RYR3: variants seen among roughly 807,000 people sequenced by gnomAD.
RYR3 encodes brain ryanodine receptor-calcium release channel.
A neutral mutation model predicts 584.3 loss-of-function variants in RYR3; 207 were observed. That is an observed-to-expected ratio of 0.35 (90% CI 0.32 to 0.40). The LOEUF (loss-of-function observed/expected upper bound fraction) is 0.40. Among genes scored for constraint, RYR3 ranks in the 10% least tolerant of loss-of-function variants. The pLI, the probability that RYR3 is intolerant of heterozygous loss-of-function variation, is 1.00. For missense variants in RYR3, 5,616 were observed against 6,089.2 expected (o/e 0.92, Z 2.59); for synonymous variants, 2,416 against 2,248.5 (o/e 1.07, Z -2.11).
intron 1 of RYR3, among the ~76,000 whole-genome samples, chr15:33,434,242 G>C (rs1357239326): frequency 1.2e-4 from 19 of 152,014 alleles, no homozygotes; most frequent in Admixed American, 1.2e-3. Context: ...TTGTCTATTT[G>C]CCCACAGTGA....
At chr15:33,467,431 A>C in intron 1 of RYR3, 3 of 975,226 alleles carry the variant, frequency 3.1e-6, no homozygotes, top group Non-Finnish European at 3.7e-6. Flanking sequence ...CCCAGCCATC[A>C]GCTCAGAGCC....
At chr15:33,782,646 G>A (rs939999906) in intron 65 of RYR3, among the ~76,000 whole-genome samples, 12 of 152,138 alleles carry the variant, frequency 7.9e-5, no homozygotes, top group East Asian at 1.9e-4. Flanking sequence ...GATAAAGGGC[G>A]GGGAGGAATG....
In RYR3 at chr15:33,580,128, A is replaced by G; in HGVS notation, c.1421A>G (p.Asn474Ser). ...CTCCGCTCACTCAAAAACAGACAAA[A>G]TCTTTTCAAGGAAGAGGTAAGTCGA... is the stretch of plus-strand genomic sequence containing the variant. ...NKLRSLKNRQ[N>S]LFKEEGMLAL... Residue 474 changes from asparagine (N) to serine (S), a missense_variant, in exon 13 of 104, where the codon AAT (asparagine) becomes AGT (serine). This residue lies in a region of RYR3 where 1,284 missense variants were observed against 1,344.6 expected (regional missense o/e 0.95). Coordinates refer to ENST00000634891, the MANE Select transcript of RYR3 (RefSeq NM_001036.6). 6.2e-7 allele frequency: 1 copy of G among 1,607,382 alleles called. No homozygotes were observed. The highest frequency in any genetic ancestry group is 8.5e-7 in the Non-Finnish European group (1 of 1,176,856).
rs62012574 is a variant in RYR3, at chr15:33,675,263, G to C, written c.5860+4707G>C. ...TGAGCACTTCCATAAATATTACCTC[G>C]TTTAATTCTCATGAGAACAATCTGT... On this transcript the variant is annotated intron_variant, in intron 38 of 103. Coordinates refer to ENST00000634891, the MANE Select transcript of RYR3 (RefSeq NM_001036.6). Among the ~76,000 whole-genome samples, 1,264 of 152,200 alleles carry C rather than the reference G, an allele frequency of 8.3e-3. 8 individuals carry two copies. The highest frequency in any genetic ancestry group is 0.027 in the Middle Eastern group (8 of 294).
Position 33,581,592 on chromosome 15 carries a change from G to C in RYR3, c.1522G>C (p.Glu508Gln). The change falls in exon 14 of 104, where the codon GAG (glutamate) becomes CAG (glutamine). Residue 508 changes from glutamate (E) to glutamine (Q), a missense_variant. Physicochemically the swap from Glu to Gln is conservative, Grantham distance 29. This residue lies in a region of RYR3 where 1,284 missense variants were observed against 1,344.6 expected (regional missense o/e 0.95). Coordinates refer to ENST00000634891, the MANE Select transcript of RYR3 (RefSeq NM_001036.6). ...ACACTTTGCAGGGATTGCAAGGGAA[G>C]AGAGTGGCATGGCCTGGAAAGAAAT... ...VAHFAGIAREESGMAWKEILN... is the reference protein window; with the variant it reads ...VAHFAGIAREQSGMAWKEILN... 6.2e-7 allele frequency: 1 copy of C among 1,613,826 alleles called. No homozygotes were observed. The highest frequency in any genetic ancestry group is 2.2e-5 in the East Asian group (1 of 44,874).
chr15:33,751,370 A>G (rs986971372), intron 57 of RYR3, among the ~76,000 whole-genome samples: 3 of 152,146 alleles, frequency 2.0e-5, no homozygotes, highest in Admixed American at 6.5e-5. Flanking sequence ...AAGTATTCCT[A>G]TATCTCCACA....
At chr15:33,679,716 C>CCA (rs1482465007) in intron 38 of RYR3, among the ~76,000 whole-genome samples, 1 of 152,154 alleles carries the variant, frequency 6.6e-6, no homozygotes, top group Admixed American at 6.6e-5. Flanking sequence ...TGTTCCCATA[C>CCA]CACACTTACA....
chr15:33,541,889 CT>C (rs2055851027), intron 7 of RYR3, among the ~76,000 whole-genome samples: 1 of 152,110 alleles, frequency 6.6e-6, no homozygotes, highest in African/African-American at 2.4e-5. Context: ...CAGTCAATCC[CT>C]TTCTATTAAG....
At chr15:33,398,207 T>A (rs1190033560) in intron 1 of RYR3, among the ~76,000 whole-genome samples, 1 of 152,192 alleles carries the variant, frequency 6.6e-6, no homozygotes, top group Non-Finnish European at 1.5e-5. Flanking sequence ...TTCCAAGGAT[T>A]TTTTCAGAGT....
chr15:33,825,542 T>C, intron 81 of RYR3, 61 bp from the exon 82 acceptor site: 1 of 1,080,492 alleles, frequency 9.3e-7, no homozygotes, highest in South Asian at 1.3e-5. Context: ...ACATTAACAT[T>C]AGAAATCTGC....
At chr15:33,505,401 T>A (rs1262086710) in intron 3 of RYR3, among the ~76,000 whole-genome samples, 1 of 152,262 alleles carries the variant, frequency 6.6e-6, no homozygotes, top group African/African-American at 2.4e-5. Flanking sequence ...GTTCATTTAA[T>A]GTTCTCCTCA....
chr15:33,497,472 C>G (rs1417383253), intron 2 of RYR3, among the ~76,000 whole-genome samples: 1 of 152,192 alleles, frequency 6.6e-6, no homozygotes, highest in African/African-American at 2.4e-5. Flanking sequence ...TCCCTTATCT[C>G]TATTCCTGCT....
chr15:33,342,135 C>G (rs1304584978), intron 1 of RYR3, among the ~76,000 whole-genome samples: 2 of 152,168 alleles, frequency 1.3e-5, no homozygotes, highest in Non-Finnish European at 2.9e-5. Context: ...GTCCTGCCCC[C>G]ACAGCTGTAG....
At chr15:33,511,529 C>G (rs541219889) in intron 3 of RYR3, among the ~76,000 whole-genome samples, 1 of 151,598 alleles carries the variant, frequency 6.6e-6, no homozygotes. Flanking sequence ...CAACTGACTT[C>G]AAGCTGTATT....
At chr15:33,576,877 C>G (rs1211093761) in intron 12 of RYR3, among the ~76,000 whole-genome samples, 1 of 152,174 alleles carries the variant, frequency 6.6e-6, no homozygotes, top group Non-Finnish European at 1.5e-5. Flanking sequence ...CCCATCATCT[C>G]AATCCAAAAG....
At chr15:33,608,709 A>C (rs2060025381) in intron 18 of RYR3, among the ~76,000 whole-genome samples, 2 of 152,244 alleles carry the variant, frequency 1.3e-5, no homozygotes, top group Non-Finnish European at 2.9e-5. Flanking sequence ...TACAAGCTTT[A>C]AAAATAGGCC....
At chr15:33,516,468 C>T (rs755892144) in intron 3 of RYR3, among the ~76,000 whole-genome samples, 7 of 152,030 alleles carry the variant, frequency 4.6e-5, no homozygotes, top group East Asian at 1.9e-4. Context: ...CTCAGCCCCC[C>T]GAGTAGCTGG....
chr15:33,822,207 TCAA>T (rs1446043181), intron 80 of RYR3, among the ~76,000 whole-genome samples: 2 of 152,218 alleles, frequency 1.3e-5, no homozygotes, highest in Non-Finnish European at 2.9e-5. Flanking sequence ...TGGTATTTCT[TCAA>T]CAATCTGAAT....
intron 1 of RYR3, among the ~76,000 whole-genome samples, chr15:33,313,285 T>C (rs1395301523): frequency 6.6e-6 from 1 of 152,208 alleles, no homozygotes; most frequent in Non-Finnish European, 1.5e-5. Flanking sequence ...TGACAAGTTA[T>C]TGGTAATTTT....
Sources: allele counts gnomAD v4.1 joint callset (sites outside exome capture counted in the v4.1 genomes callset), GRCh38; gene constraint gnomAD v4.1.1; regional missense constraint gnomAD v4.1.1; transcripts MANE v1.5; gene names NCBI Gene and HGNC (gene_info 2026-07-23, HGNC 2026-07-21).